Variants in SH2D4B observed in about 807,000 individuals in gnomAD.
SH2D4B encodes the protein SH2 domain containing 4B, also known as SH2 domain-containing protein 4B.
Under a neutral mutation model 61.5 loss-of-function variants are expected in SH2D4B, and 45 were observed. The ratio of observed to expected loss-of-function variants is 0.73; its 90% CI spans 0.58 to 0.94. The LOEUF (loss-of-function observed/expected upper bound fraction) is 0.94. SH2D4B is among the 40% of genes least tolerant of loss of function. SH2D4B has a pLI of 0.00. For missense variants in SH2D4B, 572 were observed against 574.2 expected, an observed-to-expected ratio of 1.00 and a Z score of 0.04; for synonymous variants, 224 against 220.4, an observed-to-expected ratio of 1.02 and a Z score of -0.14.
chr10:80,622,651 A>G (rs772393831), intron 6 of SH2D4B, among the ~76,000 whole-genome samples: 1 of 151,920 alleles, frequency 6.6e-6, no homozygotes, highest in Non-Finnish European at 1.5e-5. Flanking sequence ...GGCTCCTTGC[A>G]CTCACCCAGG....
At position 80,606,346 on chromosome 10, in the gene SH2D4B, A is replaced by G. The variant is rs920078241; in HGVS notation, c.860+2551A>G. ...TTTAATTGCACATTTATTAGATTTA[A>G]CTTTTCTAAAAAAATTTGAGACTGA... is the stretch of plus-strand genomic sequence containing the variant. On this transcript the variant is annotated intron_variant, in intron 5 of 7. Transcript: ENST00000646907. 5.9e-5 allele frequency among the ~76,000 whole-genome samples: 9 copies of G among 151,418 alleles called. No homozygotes were observed. The South Asian group carries it at 1.9e-3, about 32-fold the overall frequency.
At chr10:80,634,079 G>A (rs1008911314) in intron 6 of SH2D4B, among the ~76,000 whole-genome samples, 3 of 152,160 alleles carry the variant, frequency 2.0e-5, no homozygotes, top group Admixed American at 6.5e-5. Flanking sequence ...GGCTCACGGC[G>A]GGTGGCGCTG....
At chr10:80,552,727 C>A (rs1841778078) in intron 1 of SH2D4B, among the ~76,000 whole-genome samples, 1 of 152,228 alleles carries the variant, frequency 6.6e-6, no homozygotes, top group Non-Finnish European at 1.5e-5. Context: ...ACCTAAGAAT[C>A]AGCAAAGCTT....
chr10:80,627,313 G>C (rs1457831728), intron 6 of SH2D4B, among the ~76,000 whole-genome samples: 1 of 152,126 alleles, frequency 6.6e-6, no homozygotes, highest in East Asian at 1.9e-4. Flanking sequence ...AACATCAGTG[G>C]CTGTCCGCTG....
intron 5 of SH2D4B, among the ~76,000 whole-genome samples, chr10:80,608,763 C>T (rs77756662): frequency 0.016 from 2,336 of 145,696 alleles, 57 homozygotes; most frequent in African/African-American, 0.062. Context: ...CTTCCGCCTC[C>T]GTATCCTCTG....
intron 6 of SH2D4B, among the ~76,000 whole-genome samples, chr10:80,628,612 T>C (rs779132529): frequency 5.9e-5 from 9 of 152,112 alleles, no homozygotes; most frequent in Non-Finnish European, 8.8e-5. Flanking sequence ...TCTTGAGGGG[T>C]TGGGTTTTCT....
chr10:80,578,291 TTG>T, intron 3 of SH2D4B, among the ~76,000 whole-genome samples: 1 of 152,326 alleles, frequency 6.6e-6, no homozygotes, highest in East Asian at 1.9e-4. Context: ...TGAGTCTTGC[TTG>T]TAGGAATGTA....
Position 80,609,459 on chromosome 10 carries a change from G to C in SH2D4B, c.896G>C (p.Arg299Thr). 1 of 1,614,170 alleles carries C rather than the reference G, an allele frequency of 6.2e-7. No individual in the cohort carries two copies. Among genetic ancestry groups the C allele is most frequent in the Non-Finnish European group, 8.5e-7 (1 of 1,180,026 alleles). The change falls in exon 6 of 8, where the codon AGA becomes ACA. Residue 299 changes from arginine to threonine, a missense_variant. Coordinates refer to ENST00000646907, the MANE Select transcript of SH2D4B (RefSeq NM_001388272.1). ...GAGCGCCCGCTGCGCCCAGTCTCCA[G>C]AGATGTCATCGTCCGCTGGTTTAAG... is the stretch of plus-strand genomic sequence containing the variant. ...TWERPLRPVS[R>T]DVIVRWFKEE...
intron 3 of SH2D4B, among the ~76,000 whole-genome samples, chr10:80,582,052 G>T (rs72805726): frequency 6.6e-6 from 1 of 152,096 alleles, no homozygotes; most frequent in Non-Finnish European, 1.5e-5. Flanking sequence ...ACAAAATTCC[G>T]ATTTCCTTAT....
intron 3 of SH2D4B, among the ~76,000 whole-genome samples, chr10:80,572,514 A>G (rs1465209177): frequency 1.3e-5 from 2 of 152,110 alleles, no homozygotes; most frequent in Non-Finnish European, 2.9e-5. Flanking sequence ...CAATATACTC[A>G]TGGCATTTTC....
chr10:80,634,245 A>C, intron 6 of SH2D4B, 40 bp from the exon 7 acceptor site: 1 of 1,481,056 alleles, frequency 6.8e-7, no homozygotes, highest in East Asian at 2.5e-5. Flanking sequence ...GCAGTCGCAG[A>C]ACCTGCTGTG....
At chr10:80,627,963 G>A (rs1029698929) in intron 6 of SH2D4B, among the ~76,000 whole-genome samples, 2 of 152,202 alleles carry the variant, frequency 1.3e-5, no homozygotes, top group African/African-American at 4.8e-5. Context: ...TGGTTAGGCT[G>A]CATCCCTTAG....
intron 7 of SH2D4B, among the ~76,000 whole-genome samples, chr10:80,642,499 A>T (rs1162959097): frequency 6.6e-6 from 1 of 152,214 alleles, no homozygotes; most frequent in Non-Finnish European, 1.5e-5. Flanking sequence ...ATGAAACATC[A>T]CTGTGTGAAG....
At chr10:80,604,651 C>CG (rs1362304570) in intron 5 of SH2D4B, among the ~76,000 whole-genome samples, 3 of 151,892 alleles carry the variant, frequency 2.0e-5, no homozygotes, top group Non-Finnish European at 4.4e-5. Flanking sequence ...TCCCCTCCCC[C>CG]CTTCCCACCC....
intron 4 of SH2D4B, 53 bp from the exon 5 acceptor site, chr10:80,603,526 G>A: frequency 1.4e-6 from 2 of 1,444,216 alleles, no homozygotes; most frequent in East Asian, 2.5e-5. Context: ...AGCTGGCGCA[G>A]TGCACCGCCT....
At chr10:80,557,394 G>A (rs1009976368) in intron 1 of SH2D4B, among the ~76,000 whole-genome samples, 1 of 152,040 alleles carries the variant, frequency 6.6e-6, no homozygotes, top group African/African-American at 2.4e-5. Flanking sequence ...GAAGAAATGT[G>A]TTAGAATATA....
chr10:80,550,550 C>T (rs142978606), intron 1 of SH2D4B, among the ~76,000 whole-genome samples: 2 of 151,966 alleles, frequency 1.3e-5, no homozygotes, highest in East Asian at 3.9e-4. Context: ...GCCCATATCG[C>T]GCCACTGCAC....
chr10:80,641,556 A>G (rs1275251031), intron 7 of SH2D4B, among the ~76,000 whole-genome samples: 2 of 152,250 alleles, frequency 1.3e-5, no homozygotes, highest in Non-Finnish European at 2.9e-5. Context: ...AACCAGGGCT[A>G]AGTTTTCATG....
chr10:80,601,673 A>G (rs1005006205), intron 4 of SH2D4B, among the ~76,000 whole-genome samples: 2 of 152,218 alleles, frequency 1.3e-5, no homozygotes, highest in Non-Finnish European at 2.9e-5. Flanking sequence ...TGAGGGACAG[A>G]CTTCATGCTG....
Sources: allele counts gnomAD v4.1 joint callset (sites outside exome capture counted in the v4.1 genomes callset), GRCh38; gene constraint gnomAD v4.1.1; transcripts MANE v1.5; gene names NCBI Gene and HGNC (gene_info 2026-07-23, HGNC 2026-07-21).